Variants in CAMTA1 observed in about 807,000 individuals in gnomAD.
The protein encoded by CAMTA1 is calmodulin-binding transcription activator 1.
CAMTA1 carries 27 observed loss-of-function variants against 170.9 expected under a neutral mutation model. The observed-to-expected ratio is 0.16, with a 90% CI of 0.12 to 0.22. The LOEUF is 0.22. Among genes scored for constraint, CAMTA1 ranks in the 10% least tolerant of loss-of-function variants. The pLI, the probability that CAMTA1 is intolerant of heterozygous loss-of-function variation, is 1.00. For missense variants in CAMTA1, 1,619 were observed against 2,217.2 expected (o/e 0.73, Z 5.42); for synonymous variants, 833 against 891.5 (o/e 0.93, Z 1.17).
intron 22 of CAMTA1, among the ~76,000 whole-genome samples, chr1:7,760,810 CCTGT>C (rs1286813126): frequency 3.9e-5 from 6 of 152,166 alleles, no homozygotes; most frequent in Middle Eastern, 3.2e-3. Context: ...CATCCGCTGC[CCTGT>C]CTATTTTTGA....
At chr1:7,185,561 T>TC in intron 4 of CAMTA1, among the ~76,000 whole-genome samples, 1 of 152,276 alleles carries the variant, frequency 6.6e-6, no homozygotes, top group Non-Finnish European at 1.5e-5. Flanking sequence ...CTGACATATC[T>TC]CCCCACAAAG....
chr1:7,003,328 G>A (rs1034919283), intron 3 of CAMTA1, among the ~76,000 whole-genome samples: 17 of 152,370 alleles, frequency 1.1e-4, no homozygotes, highest in African/African-American at 3.4e-4. Context: ...TGTTATATCT[G>A]AATTGCATTT....
intron 3 of CAMTA1, among the ~76,000 whole-genome samples, chr1:7,055,054 A>G (rs532774418): frequency 5.9e-5 from 9 of 152,264 alleles, no homozygotes; most frequent in East Asian, 1.9e-4. Flanking sequence ...TCGCTGTCAC[A>G]AGAGCAGCAC....
chr1:6,860,329 T>A (rs1271606303), intron 3 of CAMTA1, among the ~76,000 whole-genome samples: 1 of 152,180 alleles, frequency 6.6e-6, no homozygotes, highest in Non-Finnish European at 1.5e-5. Flanking sequence ...TAGCTGAACT[T>A]TTTTTATATG....
rs1553247057 is a variant in CAMTA1 at position 7,680,861 on chromosome 1, C to CGCGCCAG, written c.2914+3128_2914+3129insGCGCCAG. 3.2e-3 allele frequency among the ~76,000 whole-genome samples: 434 copies of CGCGCCAG among 136,488 alleles called. 1 individual carries two copies. Among genetic ancestry groups the CGCGCCAG allele is most frequent in the African/African-American group, 0.01 (389 of 37,634 alleles). 89.5% of individuals were successfully genotyped at this position (136,488 alleles called of 152,430 possible). A position where few individuals can be genotyped will look rare whatever the true frequency, so the allele number is the denominator to read the frequency against. Reference sequence around the variant, plus strand: ...GAGAACACGCGCGCGCGCGCGCGCGCCAGCAGCAGCAGCAGCAGCAGCTGC... The same window carrying CGCGCCAG: ...GAGAACACGCGCGCGCGCGCGCGCGCGCGCCAGCAGCAGCAGCAGCAGCAGCAGCTGC... On this transcript the variant is annotated intron_variant, in intron 11 of 22. Transcript: ENST00000303635. This position sits in a 1 kb window ranked among gnomAD's most constrained non-coding sequence, Gnocchi z 4.4.
chr1:7,055,065 C>T (rs55888308), intron 3 of CAMTA1, among the ~76,000 whole-genome samples: 8,217 of 152,092 alleles, frequency 0.054, 284 homozygotes, highest in East Asian at 0.17. Context: ...AGAGCAGCAC[C>T]GAGGGGATGC....
chr1:7,209,505 G>A (rs1437626742), intron 4 of CAMTA1, among the ~76,000 whole-genome samples: 1 of 152,190 alleles, frequency 6.6e-6, no homozygotes, highest in East Asian at 1.9e-4. Context: ...CTGGGAGGGG[G>A]AGGCAGCTGT....
chr1:7,544,114 G>A (rs1025144282), intron 6 of CAMTA1, among the ~76,000 whole-genome samples: 2 of 152,226 alleles, frequency 1.3e-5, no homozygotes, highest in South Asian at 4.1e-4. Context: ...AGACTGGGAA[G>A]AAAAAGAGGC....
At chr1:7,501,957 CA>C (rs2094012547) in intron 6 of CAMTA1, among the ~76,000 whole-genome samples, 1 of 152,200 alleles carries the variant, frequency 6.6e-6, no homozygotes, top group South Asian at 2.1e-4. Flanking sequence ...GTGTTTGCAG[CA>C]AGCCTGAGTC....
At chr1:7,199,139 G>C (rs1656145539) in intron 4 of CAMTA1, among the ~76,000 whole-genome samples, 1 of 130,006 alleles carries the variant, frequency 7.7e-6, no homozygotes, top group Non-Finnish European at 1.6e-5. Context: ...AGGAGGGAAG[G>C]TTCCTTGTTT....
chr1:7,337,933 G>A (rs1011906622), intron 5 of CAMTA1, among the ~76,000 whole-genome samples: 8 of 151,530 alleles, frequency 5.3e-5, no homozygotes, highest in Non-Finnish European at 8.8e-5. Context: ...ACAATAGATC[G>A]TGTGAGCCAA....
intron 21 of CAMTA1, among the ~76,000 whole-genome samples, chr1:7,753,357 G>A (rs931075453): frequency 6.6e-6 from 1 of 152,210 alleles, no homozygotes; most frequent in Non-Finnish European, 1.5e-5. Flanking sequence ...GCGGCCATCC[G>A]AGCTGGGTGT....
chr1:7,209,603 C>G (rs1658396771), intron 4 of CAMTA1, among the ~76,000 whole-genome samples: 1 of 152,154 alleles, frequency 6.6e-6, no homozygotes, highest in African/African-American at 2.4e-5. Flanking sequence ...ATGTATGAAA[C>G]AACCTCGTTC....
chr1:7,533,223 A>AG (rs1401087502), intron 6 of CAMTA1, among the ~76,000 whole-genome samples: 1 of 152,120 alleles, frequency 6.6e-6, no homozygotes, highest in Non-Finnish European at 1.5e-5. Flanking sequence ...GCCTCCCTCC[A>AG]GGGGCAGGCC....
chr1:7,408,012 G>GA (rs1176160836), intron 5 of CAMTA1, among the ~76,000 whole-genome samples: 1 of 152,222 alleles, frequency 6.6e-6, no homozygotes, highest in Non-Finnish European at 1.5e-5. Flanking sequence ...GCTGGCCAAA[G>GA]ACCCTGAGTG....
At chr1:6,922,280 A>G (rs562907457) in intron 3 of CAMTA1, among the ~76,000 whole-genome samples, 1 of 152,346 alleles carries the variant, frequency 6.6e-6, no homozygotes, top group South Asian at 2.1e-4. Flanking sequence ...GTCCACAGCT[A>G]GTGAGATTTG....
chr1:7,052,285 C>G (rs1173262086), intron 3 of CAMTA1, among the ~76,000 whole-genome samples: 1 of 151,962 alleles, frequency 6.6e-6, no homozygotes, highest in East Asian at 1.9e-4. Context: ...GTGTCGTTCT[C>G]TCCGACGACA....
At chr1:6,939,580 G>A (rs1269162914) in intron 3 of CAMTA1, among the ~76,000 whole-genome samples, 1 of 152,192 alleles carries the variant, frequency 6.6e-6, no homozygotes, top group East Asian at 1.9e-4. Context: ...CGTCCTCTCT[G>A]TCTCCAGCCT....
intron 4 of CAMTA1, among the ~76,000 whole-genome samples, chr1:7,147,457 A>T (rs1646273229): frequency 6.6e-6 from 1 of 151,398 alleles, no homozygotes; most frequent in African/African-American, 2.4e-5. Context: ...AATATACATC[A>T]TGCACACACA....
Sources: allele counts gnomAD v4.1 joint callset (sites outside exome capture counted in the v4.1 genomes callset), GRCh38; gene constraint gnomAD v4.1.1; non-coding constraint Gnocchi (gnomAD v3.1); transcripts MANE v1.5; gene names NCBI Gene and HGNC (gene_info 2026-07-23, HGNC 2026-07-21).